Variants in LYST observed in about 807,000 individuals in gnomAD.
The protein encoded by LYST is lysosomal trafficking regulator.
Under a neutral mutation model 413.6 loss-of-function variants are expected in LYST, and 192 were observed. The observed-to-expected ratio is 0.46, with a 90% CI of 0.41 to 0.52. The LOEUF is 0.52. LYST is among the 20% of genes least tolerant of loss of function. The pLI is 0.00. For missense variants in LYST, 3,815 were observed against 4,499.9 expected, an observed-to-expected ratio of 0.85 and a Z score of 4.35; for synonymous variants, 1,525 against 1,567.3, an observed-to-expected ratio of 0.97 and a Z score of 0.64.
At position 235,697,063 on chromosome 1, in the gene LYST, T is replaced by C; in HGVS notation, c.10564+20A>G. 6.2e-7 allele frequency: 1 copy of C among 1,606,608 alleles called. No individual in the cohort carries two copies. The highest frequency in any genetic ancestry group is 8.5e-7 in the Non-Finnish European group (1 of 1,173,118). On this transcript the variant is annotated intron_variant, in intron 46 of 52. Transcript: ENST00000389793. ...CACGAAAGATATATCCAGAATGATC[T>C]TCGTTACATTTTATTTTACCTTGTT...
intron 3 of LYST, among the ~76,000 whole-genome samples, chr1:235,824,886 G>A (rs1244572613): frequency 2.0e-5 from 3 of 152,086 alleles, no homozygotes; most frequent in Non-Finnish European, 4.4e-5. Flanking sequence ...CAGGTGCAGT[G>A]GCAGGTGCCT....
At chr1:235,849,452 A>G (rs563887225) in intron 1 of LYST, among the ~76,000 whole-genome samples, 1 of 152,184 alleles carries the variant, frequency 6.6e-6, no homozygotes, top group East Asian at 1.9e-4. Context: ...TCTGAGAATT[A>G]AAACAAGACA....
chr1:235,819,624 A>G (rs1050384874), intron 3 of LYST, among the ~76,000 whole-genome samples: 1 of 152,098 alleles, frequency 6.6e-6, no homozygotes, highest in African/African-American at 2.4e-5. Context: ...TCAGCCAATA[A>G]CATACCACTC....
chr1:235,710,297 G>A (rs771001554), intron 43 of LYST, among the ~76,000 whole-genome samples: 5 of 152,146 alleles, frequency 3.3e-5, no homozygotes, highest in Non-Finnish European at 7.3e-5. Context: ...AGCAGTCATC[G>A]TACAGAGCAG....
At chr1:235,822,609 C>T (rs1379987837) in intron 3 of LYST, among the ~76,000 whole-genome samples, 1 of 152,082 alleles carries the variant, frequency 6.6e-6, no homozygotes, top group Admixed American at 6.6e-5. Flanking sequence ...CTTCAAGAGG[C>T]GTAGAGGGGA....
chr1:235,754,095 AG>A (rs1368528128), intron 25 of LYST, among the ~76,000 whole-genome samples: 2 of 152,138 alleles, frequency 1.3e-5, no homozygotes, highest in Non-Finnish European at 2.9e-5. Flanking sequence ...CAGTGTATCC[AG>A]GAATTCTAGG....
intron 10 of LYST, among the ~76,000 whole-genome samples, chr1:235,795,679 C>A (rs1671483386): frequency 6.6e-6 from 1 of 152,126 alleles, no homozygotes; most frequent in Admixed American, 6.5e-5. Context: ...ACTACCCACT[C>A]AGGAAAGAGG....
At chr1:235,721,261 C>T (rs561761849) in intron 39 of LYST, among the ~76,000 whole-genome samples, 11 of 151,660 alleles carry the variant, frequency 7.3e-5, no homozygotes, top group African/African-American at 1.9e-4. Context: ...AGAAACAGCA[C>T]GGTCTTCTGA....
At chr1:235,838,385 T>G (rs1293171648) in intron 1 of LYST, among the ~76,000 whole-genome samples, 1 of 152,238 alleles carries the variant, frequency 6.6e-6, no homozygotes, top group Non-Finnish European at 1.5e-5. Flanking sequence ...TCCATGGGAA[T>G]CTAGATATAT....
At chr1:235,706,613 T>C (rs1662009490) in intron 44 of LYST, among the ~76,000 whole-genome samples, 1 of 152,200 alleles carries the variant, frequency 6.6e-6, no homozygotes, top group Non-Finnish European at 1.5e-5. Flanking sequence ...TTTGTTATTT[T>C]GCAGAGGCTC....
At chr1:235,786,980 T>C (rs879030618) in intron 14 of LYST, 1 of 378,728 alleles carries the variant, frequency 2.6e-6, no homozygotes, top group Non-Finnish European at 5.0e-6. Flanking sequence ...CACACCAACA[T>C]GGCACATGTA....
At chr1:235,688,407 A>G (rs1049585296) in intron 47 of LYST, among the ~76,000 whole-genome samples, 7 of 152,238 alleles carry the variant, frequency 4.6e-5, no homozygotes, top group Non-Finnish European at 8.8e-5. Context: ...CTAAATCGTC[A>G]TCTTTTGGTT....
intron 10 of LYST, among the ~76,000 whole-genome samples, 159 bp downstream of exon 10, chr1:235,800,161 G>A (rs1672050142): frequency 6.6e-6 from 1 of 150,638 alleles, no homozygotes; most frequent in Non-Finnish European, 1.5e-5. Flanking sequence ...TGCCCAGGCT[G>A]GTATTGAACT....
intron 3 of LYST, chr1:235,827,822 T>C: frequency 1.2e-6 from 1 of 806,222 alleles, no homozygotes; most frequent in Non-Finnish European, 1.5e-6. Context: ...ATCTTATGAC[T>C]TAAAAGAGAA....
intron 42 of LYST, among the ~76,000 whole-genome samples, chr1:235,714,700 TAAAATGCTGA>T (rs930311203): frequency 2.6e-5 from 4 of 152,208 alleles, no homozygotes; most frequent in African/African-American, 9.6e-5. Flanking sequence ...GTCTGTCACT[TAAAATGCTGA>T]TGTAGAAGAT....
intron 50 of LYST, among the ~76,000 whole-genome samples, chr1:235,669,666 A>G (rs1398008775): frequency 6.6e-6 from 1 of 152,214 alleles, no homozygotes; most frequent in African/African-American, 2.4e-5. Context: ...TAAAGTGGCC[A>G]ATGGGAAACC....
chr1:235,754,997 C>G (rs960492540), intron 25 of LYST, among the ~76,000 whole-genome samples: 1 of 136,632 alleles, frequency 7.3e-6, no homozygotes, highest in African/African-American at 2.8e-5. Flanking sequence ...TCCCTTGAAT[C>G]TAGGAGTTCA....
intron 22 of LYST, among the ~76,000 whole-genome samples, chr1:235,761,189 C>A (rs115194030): frequency 9.9e-4 from 150 of 152,214 alleles, no homozygotes; most frequent in African/African-American, 3.5e-3. Flanking sequence ...TAGAGAATAA[C>A]TGAAACACTT....
chr1:235,758,869 G>C, intron 23 of LYST, 103 bp downstream of exon 23: 1 of 952,932 alleles, frequency 1.0e-6, no homozygotes, highest in Non-Finnish European at 1.7e-6. Context: ...TTTTCTGTTT[G>C]TTGTATTATA....
Sources: allele counts gnomAD v4.1 joint callset (sites outside exome capture counted in the v4.1 genomes callset), GRCh38; gene constraint gnomAD v4.1.1; transcripts MANE v1.5; gene names NCBI Gene and HGNC (gene_info 2026-07-23, HGNC 2026-07-21).